Variants in PIWIL4 observed in about 807,000 individuals in gnomAD.
PIWIL4 encodes the protein piwi like RNA-mediated gene silencing 4.
PIWIL4 carries 50 observed loss-of-function variants against 100.9 expected under a neutral mutation model. The observed-to-expected ratio is 0.50, with a 90% confidence interval of 0.39 to 0.63. PIWIL4 has a LOEUF of 0.63. Among genes scored for constraint, PIWIL4 ranks in the 20% least tolerant of loss-of-function variants. The pLI, the probability that PIWIL4 is intolerant of heterozygous loss-of-function variation, is 0.00. For synonymous variants in PIWIL4, 342 were observed against 367.5 expected (o/e 0.93, Z 0.79); for missense variants, 887 against 1,043.3 (o/e 0.85, Z 2.06).
In PIWIL4 at chr11:94,575,235, A is replaced by G. The variant is rs377724852; in HGVS notation, c.298+105A>G. On this transcript the variant is annotated intron_variant, in intron 3 of 19. Transcript: ENST00000299001. ...ATAAGTTCATATGTTTGCTTAACAGATATTTACTGATTGTCTTCTATGTTC... is the reference window on the plus strand; with the variant it reads ...ATAAGTTCATATGTTTGCTTAACAGGTATTTACTGATTGTCTTCTATGTTC... 8 of 1,165,842 alleles carry G rather than the reference A, an allele frequency of 6.9e-6. No individual in the cohort carries two copies. In the East Asian group the frequency reaches 9.6e-5, roughly 14 times the overall value. 72.2% of individuals were successfully genotyped at this position (1,165,842 alleles called of 1,614,324 possible).
In PIWIL4 at chr11:94,583,530, C is replaced by G. The variant is rs758333579; in HGVS notation, c.596C>G (p.Ser199Cys). 7 of 1,613,960 alleles carry G rather than the reference C, an allele frequency of 4.3e-6. No individual in the cohort carries two copies. Among genetic ancestry groups the G allele is most frequent in the Non-Finnish European group, 5.9e-6 (7 of 1,179,934 alleles). The change falls in exon 5 of 20, where the codon TCT (serine) becomes TGT (cysteine). Residue 199 changes from serine to cysteine, a missense_variant. Transcript: ENST00000299001. Reference protein sequence around the residue: ...ITLKRELPSSSPVCIQVFNII... With the variant: ...ITLKRELPSSCPVCIQVFNII... ...CTGAAGAGGGAGCTGCCATCAAGTT[C>G]TCCCGTGTGCATCCAGGTCTTCAAT...
chr11:94,614,004 C>T (rs925004363), intron 15 of PIWIL4, among the ~76,000 whole-genome samples: 1 of 152,106 alleles, frequency 6.6e-6, no homozygotes, highest in African/African-American at 2.4e-5. Flanking sequence ...CCTCCTGATC[C>T]ACCTGCCTCA....
chr11:94,571,325 G>A lies in PIWIL4; in HGVS notation c.166+2517G>A, dbSNP rs963487735. ...TTATACTTTAAGTTCAAGGGTACAT[G>A]TGCACAACGTGCAGGTTTGTTACAT... On this transcript the variant is annotated intron_variant, in intron 2 of 19. Transcript: ENST00000299001. 2.0e-5 allele frequency among the ~76,000 whole-genome samples: 3 copies of A among 151,926 alleles called. 1 individual carries two copies. The highest frequency in any genetic ancestry group is 4.4e-5 in the Non-Finnish European group (3 of 68,000).
chr11:94,619,843 C>A lies in PIWIL4; in HGVS notation c.2252C>A (p.Pro751Gln), dbSNP rs750177185. The change falls in exon 18 of 20, where the codon CCA (proline) becomes CAA (glutamine). Residue 751 changes from proline to glutamine, a missense_variant. By Grantham distance (76) the Pro-to-Gln change is moderately conservative. Around this residue, in one of 2 missense-constraint regions of PIWIL4, gnomAD observed 741 missense variants for 930.0 expected, o/e 0.80. Coordinates refer to ENST00000299001, the MANE Select transcript of PIWIL4 (RefSeq NM_152431.3). ...TEMNRTVQNP[P>Q]LGTVVDSEAT... ...ATGAACCGCACTGTACAGAACCCCC[C>A]ACTTGGCACTGTTGTGGATTCAGAA... The A allele has an allele frequency of 2.5e-6, 4 of 1,614,228 alleles. No homozygotes were observed. Among genetic ancestry groups the A allele is most frequent in the South Asian group, 1.1e-5 (1 of 91,088 alleles).
chr11:94,591,388 G>A (rs539555073), intron 8 of PIWIL4, among the ~76,000 whole-genome samples: 5 of 152,314 alleles, frequency 3.3e-5, no homozygotes, highest in East Asian at 3.9e-4. Context: ...TGTCACACAC[G>A]TAGAAGAGCA....
In PIWIL4 at chr11:94,593,762, G is replaced by T. The variant is rs7119991; in HGVS notation, c.1150+121G>T. ...GACATCGATTTAACCCATGGAGGAT[G>T]GTCCTTTTAAGTAATTTATTCAATA... On this transcript the variant is annotated intron_variant, in intron 9 of 19. Transcript: ENST00000299001. 1.5e-3 allele frequency: 1,762 copies of T among 1,163,786 alleles called. 23 individuals carry two copies. In the African/African-American group the frequency reaches 0.024, roughly 16 times the overall value. 72.1% of individuals were successfully genotyped at this position (1,163,786 alleles called of 1,614,324 possible). A position where few individuals can be genotyped will look rare whatever the true frequency, so the allele number is the denominator to read the frequency against.
chr11:94,568,615 C>A, intron 1 of PIWIL4, 115 bp from the exon 2 acceptor site: 1 of 735,826 alleles, frequency 1.4e-6, no homozygotes, highest in East Asian at 2.7e-5. Context: ...TACCTGTTAA[C>A]ATTTTCTTTG....
intron 4 of PIWIL4, among the ~76,000 whole-genome samples, chr11:94,579,703 C>T (rs1239711587): frequency 1.3e-5 from 2 of 152,104 alleles, no homozygotes; most frequent in African/African-American, 4.8e-5. Context: ...AAAATTATAC[C>T]ATATGATTAA....
intron 1 of PIWIL4, 122 bp downstream of exon 1, chr11:94,567,727 C>T (rs922133035): frequency 7.7e-7 from 1 of 1,297,044 alleles, no homozygotes; most frequent in Non-Finnish European, 9.9e-7. Context: ...TATCTTTTCT[C>T]TCAAGTTTGA....
At chr11:94,585,749 C>G (rs529590522) in intron 6 of PIWIL4, among the ~76,000 whole-genome samples, 1 of 152,196 alleles carries the variant, frequency 6.6e-6, no homozygotes, top group East Asian at 1.9e-4. Flanking sequence ...ATCACAAATC[C>G]TAGAAGGAAT....
intron 13 of PIWIL4, among the ~76,000 whole-genome samples, chr11:94,604,776 C>A (rs1351016106): frequency 3.3e-5 from 5 of 152,210 alleles, no homozygotes; most frequent in Admixed American, 3.3e-4. Flanking sequence ...CTCCCTCGCT[C>A]ACTCAGTTCA....
chr11:94,575,234 G>T, intron 3 of PIWIL4, 104 bp downstream of exon 3: 1 of 1,163,098 alleles, frequency 8.6e-7, no homozygotes, highest in Non-Finnish European at 1.2e-6. Context: ...TTGCTTAACA[G>T]ATATTTACTG....
rs1948412678 is a variant in PIWIL4, at chr11:94,587,143, T to G, written c.810T>G (p.Asn270Lys). 3.1e-6 allele frequency: 5 copies of G among 1,614,128 alleles called. No homozygotes were observed. The highest frequency in any genetic ancestry group is 4.2e-6 in the Non-Finnish European group (5 of 1,179,950). ...SADVSYKVLR[N>K]ETVLEFMTAL... ...ATGTGAGTTACAAAGTCCTCCGGAA[T>G]GAGACGGTTCTGGAATTCATGACTG... is the stretch of plus-strand genomic sequence containing the variant. The change falls in exon 7 of 20, where the codon AAT becomes AAG. Residue 270 changes from asparagine (N) to lysine (K), a missense_variant. This residue lies in a region of PIWIL4 where 741 missense variants were observed against 930.0 expected (regional missense o/e 0.80). Transcript: ENST00000299001.
At chr11:94,577,173 A>G (rs1266179542) in intron 3 of PIWIL4, 105 bp from the exon 4 acceptor site, 1 of 927,228 alleles carries the variant, frequency 1.1e-6, no homozygotes, top group Non-Finnish European at 1.6e-6. Context: ...TCCTTGCTTT[A>G]AAGCAACTAC....
At chr11:94,597,394 G>A (rs1238158040) in intron 10 of PIWIL4, among the ~76,000 whole-genome samples, 3 of 152,214 alleles carry the variant, frequency 2.0e-5, no homozygotes, top group Non-Finnish European at 4.4e-5. Context: ...ATGTGCCAGG[G>A]ACTGTGGTGA....
At chr11:94,613,772 T>G (rs1166309337) in intron 15 of PIWIL4, among the ~76,000 whole-genome samples, 1 of 152,202 alleles carries the variant, frequency 6.6e-6, no homozygotes, top group Non-Finnish European at 1.5e-5. Flanking sequence ...GAATTTCTGC[T>G]TGGTTCTTTG....
Position 94,619,750 on chromosome 11 carries a change from T to C in PIWIL4, c.2169-10T>C, listed in dbSNP as rs377002076. 16 of 1,608,582 alleles carry C rather than the reference T, an allele frequency of 9.9e-6. No homozygotes were observed. Among genetic ancestry groups the C allele is most frequent in the Admixed American group, 6.8e-5 (4 of 58,552 alleles). ...GAGTTCTTTTCATATTTTGCCTCTC[T>C]AATTTTTAGCTCAAGACTGTCGGTG... On this transcript the variant is annotated splice_polypyrimidine_tract_variant and intron_variant, in intron 17 of 19. Transcript: ENST00000299001.
intron 2 of PIWIL4, among the ~76,000 whole-genome samples, chr11:94,574,673 G>C (rs750635385): frequency 6.6e-6 from 1 of 152,192 alleles, no homozygotes; most frequent in Non-Finnish European, 1.5e-5. Flanking sequence ...GTAGAGACAG[G>C]GTTTCAACAC....
intron 17 of PIWIL4, among the ~76,000 whole-genome samples, chr11:94,618,761 C>T (rs1468766973): frequency 6.6e-6 from 1 of 152,144 alleles, no homozygotes; most frequent in Non-Finnish European, 1.5e-5. Flanking sequence ...CATCTTATTC[C>T]AAGCAGGACA....
Sources: gnomAD v4.1 joint callset for allele counts (sites outside exome capture counted in the v4.1 genomes callset) on GRCh38, gnomAD v4.1.1 for gene constraint, gnomAD v4.1.1 regional missense constraint, MANE v1.5 for transcripts, NCBI Gene and HGNC (gene_info 2026-07-23, HGNC 2026-07-21) for gene names.